LAMA3: variants seen among roughly 807,000 people sequenced by gnomAD.
LAMA3 encodes laminin subunit alpha 3.
LAMA3 carries 281 observed loss-of-function variants against 402.0 expected under a neutral mutation model. The observed-to-expected ratio is 0.70, with a 90% CI of 0.63 to 0.77. The LOEUF (loss-of-function observed/expected upper bound fraction) is 0.77. Among genes scored for constraint, LAMA3 ranks in the 30% least tolerant of loss-of-function variants. The pLI is 0.00. For missense variants in LAMA3, 3,840 were observed against 4,215.5 expected (o/e 0.91, Z 2.47); for synonymous variants, 1,431 against 1,558.4 (o/e 0.92, Z 1.93).
At position 23,833,859 on chromosome 18, in the gene LAMA3, A is replaced by T. The variant is rs2144521183; in HGVS notation, c.2855A>T (p.Gln952Leu). 1.2e-6 allele frequency: 2 copies of T among 1,613,766 alleles called. No individual in the cohort carries two copies. The highest frequency in any genetic ancestry group is 2.2e-5 in the East Asian group (1 of 44,886). The change falls in exon 24 of 75, where the codon CAG (glutamine) becomes CTG (leucine). Residue 952 changes from glutamine (Q) to leucine (L), a missense_variant. By Grantham distance (113) the Gln-to-Leu change is moderately radical. Transcript: ENST00000313654. ...VELHLRLRIP[Q>L]VGHYVVVVEY... ...TTGCATCTGCGGCTGCGCATCCCAC[A>T]GGTTGGCCACTACGTGGTTGTGGTC...
chr18:23,851,081 C>T (rs2063933011), intron 32 of LAMA3, among the ~76,000 whole-genome samples: 2 of 152,352 alleles, frequency 1.3e-5, no homozygotes, highest in Non-Finnish European at 2.9e-5. Context: ...TTGGTGTTCT[C>T]AGAACAGAAG....
intron 62 of LAMA3, among the ~76,000 whole-genome samples, chr18:23,927,424 C>T (rs2082034905): frequency 1.3e-5 from 2 of 152,156 alleles, no homozygotes; most frequent in Non-Finnish European, 2.9e-5. Context: ...CTGACTTGGC[C>T]TCCCAAAGTG....
At chr18:23,821,371 G>A (rs1481214855) in intron 19 of LAMA3, among the ~76,000 whole-genome samples, 1 of 152,124 alleles carries the variant, frequency 6.6e-6, no homozygotes, top group Non-Finnish European at 1.5e-5. Context: ...TGCTTTCAGA[G>A]CAAGTGATTC....
At chr18:23,870,922 G>A (rs939898498) in intron 37 of LAMA3, among the ~76,000 whole-genome samples, 6 of 152,172 alleles carry the variant, frequency 3.9e-5, no homozygotes, top group Admixed American at 2.0e-4. Flanking sequence ...TGTGCTTATA[G>A]TTAACAAGAC....
At chr18:23,862,720 G>A (rs1163276484) in intron 35 of LAMA3, among the ~76,000 whole-genome samples, 1 of 152,178 alleles carries the variant, frequency 6.6e-6, no homozygotes, top group East Asian at 1.9e-4. Context: ...GCAGCTTAAA[G>A]CAGTAATGAT....
chr18:23,842,767 C>A lies in LAMA3; in HGVS notation c.3603+17C>A. The A allele has an allele frequency of 1.2e-6, 2 of 1,613,998 alleles. No individual in the cohort carries two copies. The highest frequency in any genetic ancestry group is 1.1e-5 in the South Asian group (1 of 91,044). On this transcript the variant is annotated intron_variant, in intron 29 of 74. Coordinates refer to ENST00000313654, the MANE Select transcript of LAMA3 (RefSeq NM_198129.4). The stretch of plus-strand genomic sequence containing the variant: ...TTGGTTTTGGTGCGTTCCACTCGTT[C>A]CTCAACTTGCTCCTCACATGCCTGC...
chr18:23,840,138 G>A (rs972157160), intron 27 of LAMA3, among the ~76,000 whole-genome samples: 1 of 152,150 alleles, frequency 6.6e-6, no homozygotes, highest in African/African-American at 2.4e-5. Flanking sequence ...AACCTCTACT[G>A]TCTTCTGTGA....
intron 6 of LAMA3, among the ~76,000 whole-genome samples, chr18:23,754,033 C>G (rs1414680440): frequency 6.6e-6 from 1 of 152,074 alleles, no homozygotes. Context: ...TCAATCACAG[C>G]ACTCTGGAAA....
intron 1 of LAMA3, among the ~76,000 whole-genome samples, chr18:23,696,714 G>A (rs1370994309): frequency 6.6e-6 from 1 of 152,164 alleles, no homozygotes; most frequent in Non-Finnish European, 1.5e-5. Flanking sequence ...TGCCTAGGCT[G>A]GTCTTGAACT....
chr18:23,808,670 G>T (rs943409141), intron 12 of LAMA3, among the ~76,000 whole-genome samples: 1 of 152,300 alleles, frequency 6.6e-6, no homozygotes, highest in Non-Finnish European at 1.5e-5. Context: ...GAGTAAACTA[G>T]CCGAGTTCCC....
At chr18:23,824,933 T>C (rs773352360) in intron 21 of LAMA3, among the ~76,000 whole-genome samples, 5 of 152,256 alleles carry the variant, frequency 3.3e-5, no homozygotes, top group Admixed American at 6.5e-5. Context: ...GTATAGACTT[T>C]AGCACTCATT....
chr18:23,700,236 T>C (rs2079275192), intron 1 of LAMA3, among the ~76,000 whole-genome samples: 1 of 152,160 alleles, frequency 6.6e-6, no homozygotes, highest in Admixed American at 6.5e-5. Context: ...TGCTTTTGCT[T>C]CGCACTGAAT....
intron 72 of LAMA3, among the ~76,000 whole-genome samples, chr18:23,950,814 A>T (rs2082882532): frequency 1.3e-5 from 2 of 152,220 alleles, no homozygotes; most frequent in African/African-American, 4.8e-5. Flanking sequence ...TCTTTAATTA[A>T]GTCTGAGTAG....
In LAMA3 at chr18:23,845,103, G is replaced by GA. The variant is rs751004787; in HGVS notation, c.3704dup (p.Asn1235LysfsTer6). The GA allele has an allele frequency of 1.2e-5, 19 of 1,605,480 alleles. No homozygotes were observed. The African/African-American group carries it at 2.1e-4, about 18-fold the overall frequency. On this transcript the variant is annotated frameshift_variant, in exon 30 of 75. Transcript: ENST00000313654. LOFTEE classifies it high-confidence loss of function. ...TCACTCGAGTTTATCACCAATTGTG[G>GA]AAAAAACAGCTTTTACCTTGAGTGA... is the stretch of plus-strand genomic sequence containing the variant.
intron 72 of LAMA3, among the ~76,000 whole-genome samples, chr18:23,950,953 A>G (rs1032983184): frequency 6.6e-6 from 1 of 152,230 alleles, no homozygotes; most frequent in Non-Finnish European, 1.5e-5. Context: ...TTCTCAGGAA[A>G]ACAAATCAAG....
rs2060538139 is a variant in LAMA3, at chr18:23,689,589, C to T, written c.-95C>T. On this transcript the variant is annotated 5_prime_UTR_variant, in exon 1 of 75. Transcript: ENST00000313654. ...CGCCCATATCCCCGGCTGCGCTAGT[C>T]CTGGCGCTGCAGGTCCGGGAGGCGC... The T allele has an allele frequency of 3.5e-6, 4 of 1,157,198 alleles. No individual in the cohort carries two copies. In the Admixed American group the frequency reaches 1.3e-4, roughly 38 times the overall value. 71.7% of individuals were successfully genotyped at this position (1,157,198 alleles called of 1,614,324 possible).
At chr18:23,792,164 C>T (rs912641050) in intron 12 of LAMA3, among the ~76,000 whole-genome samples, 5 of 152,284 alleles carry the variant, frequency 3.3e-5, no homozygotes, top group East Asian at 3.9e-4. Flanking sequence ...CCTTCTTCCT[C>T]GCCTCAAAAC....
chr18:23,783,821 G>GT (rs538968292), intron 11 of LAMA3, among the ~76,000 whole-genome samples: 168 of 151,794 alleles, frequency 1.1e-3, no homozygotes, highest in Admixed American at 2.7e-3. Flanking sequence ...ATCCTTACGT[G>GT]TTTTTTTTAA....
intron 67 of LAMA3, among the ~76,000 whole-genome samples, chr18:23,934,289 C>A (rs571355847): frequency 1.2e-4 from 18 of 152,262 alleles, no homozygotes; most frequent in African/African-American, 4.3e-4. Flanking sequence ...GCCCATAGAC[C>A]TCCCCTCTGT....
Sources: gnomAD v4.1 joint callset for allele counts (sites outside exome capture counted in the v4.1 genomes callset) on GRCh38, gnomAD v4.1.1 for gene constraint, MANE v1.5 for transcripts, NCBI Gene and HGNC (gene_info 2026-07-23, HGNC 2026-07-21) for gene names.